Variants in PIEZO1 observed in about 807,000 individuals in gnomAD.
PIEZO1 encodes the protein piezo type mechanosensitive ion channel component 1 (Er blood group), also known as piezo-type mechanosensitive ion channel component 1.
In PIEZO1, 296 loss-of-function variants were observed where a neutral mutation model predicts 297.2. The observed-to-expected ratio is 1.00, with a 90% CI of 0.91 to 1.10. The LOEUF (loss-of-function observed/expected upper bound fraction) is 1.10, where lower values mean the gene tolerates loss of function less well. PIEZO1 is among the 50% of genes least tolerant of loss of function. The pLI is 0.00. For missense variants in PIEZO1, 5,018 were observed against 3,455.5 expected, an observed-to-expected ratio of 1.45 and a Z score of -11.34; for synonymous variants, 2,427 against 1,507.5, an observed-to-expected ratio of 1.61 and a Z score of -14.13.
At position 88,721,598 on chromosome 16, in the gene PIEZO1, G is replaced by GC; in HGVS notation, c.5342dup (p.Tyr1782LeufsTer28). On this transcript the variant is annotated frameshift_variant, in exon 38 of 51. Coordinates refer to ENST00000301015, the MANE Select transcript of PIEZO1 (RefSeq NM_001142864.4). LOFTEE classifies it high-confidence loss of function. ...GCTGCACCAGGTCGTACTTGATGTA[G>GC]CCGTCAGTCTTCTCCAGGCCCAGGA... 1 of 1,550,310 alleles carries GC rather than the reference G, an allele frequency of 6.5e-7. No homozygotes were observed. The highest frequency in any genetic ancestry group is 1.2e-5 in the South Asian group (1 of 84,062).
At position 88,721,436 on chromosome 16, in the gene PIEZO1, G is replaced by T. The variant is rs1265127984; in HGVS notation, c.5404-6C>A. On this transcript the variant is annotated splice_polypyrimidine_tract_variant and splice_region_variant and intron_variant, in intron 38 of 50. Transcript: ENST00000301015. ...TGGTCCCAGAGGCCATAGCACTGAG[G>T]GGCGGGAGGGTGTGGTGAGGGGGCC... is the stretch of plus-strand genomic sequence containing the variant. 1 of 1,544,468 alleles carries T rather than the reference G, an allele frequency of 6.5e-7. No individual in the cohort carries two copies. The highest frequency in any genetic ancestry group is 2.5e-5 in the East Asian group (1 of 40,758).
intron 1 of PIEZO1, among the ~76,000 whole-genome samples, chr16:88,784,201 C>A (rs1451510940): frequency 1.3e-5 from 2 of 152,370 alleles, no homozygotes; most frequent in East Asian, 3.9e-4. Flanking sequence ...CGCCCTGACA[C>A]CAGGCCACAG....
chr16:88,735,927 G>A (rs996039587), intron 12 of PIEZO1, among the ~76,000 whole-genome samples: 1 of 152,248 alleles, frequency 6.6e-6, no homozygotes, highest in African/African-American at 2.4e-5. Flanking sequence ...TCAGGGCACA[G>A]GGGTGGTGCC....
chr16:88,776,378 G>A (rs1001412290), intron 1 of PIEZO1, among the ~76,000 whole-genome samples: 1 of 152,108 alleles, frequency 6.6e-6, no homozygotes, highest in Admixed American at 6.5e-5. Context: ...AGCTTGCAGT[G>A]AGCCCAGACT....
intron 2 of PIEZO1, chr16:88,742,735 A>G: frequency 2.6e-6 from 1 of 382,276 alleles, no homozygotes; most frequent in South Asian, 2.4e-5. Flanking sequence ...TCCAGCAAAT[A>G]CCTGTCACCG....
At chr16:88,746,814 G>A (rs76283003) in intron 2 of PIEZO1, among the ~76,000 whole-genome samples, 24 of 152,330 alleles carry the variant, frequency 1.6e-4, no homozygotes, top group East Asian at 1.4e-3. Flanking sequence ...TTAAAGGAAA[G>A]TGTTTCCAAT....
At chr16:88,778,752 G>A (rs966314463) in intron 1 of PIEZO1, among the ~76,000 whole-genome samples, 7 of 152,244 alleles carry the variant, frequency 4.6e-5, no homozygotes, top group South Asian at 2.1e-4. Flanking sequence ...GCAAAAATAC[G>A]GCCTGCGGTG....
chr16:88,741,925 T>C, intron 4 of PIEZO1, 128 bp downstream of exon 4: 1 of 985,986 alleles, frequency 1.0e-6, no homozygotes, highest in South Asian at 1.5e-5. Flanking sequence ...TGGATGGGTC[T>C]CCAGGTGTGG....
chr16:88,731,910 T>C lies in PIEZO1; in HGVS notation c.2992A>G (p.Ile998Val). Residue 998 changes from isoleucine (I) to valine (V), a missense_variant and splice_region_variant, in exon 22 of 51, where the codon ATC becomes GTC. Coordinates refer to ENST00000301015, the MANE Select transcript of PIEZO1 (RefSeq NM_001142864.4). ...NFFFYKFGLE[I>V]CFLMAVNVIG... ...ACGTTCACGGCCATCAGGAAGCAGA[T>C]CTGGGGAGGGGAGAGGGCGGGGTGT... 1 of 294,294 alleles carries C rather than the reference T, an allele frequency of 3.4e-6. No individual in the cohort carries two copies. Among genetic ancestry groups the C allele is most frequent in the Non-Finnish European group, 4.5e-6 (1 of 222,528 alleles). 18.2% of individuals were successfully genotyped at this position (294,294 alleles called of 1,614,324 possible).
rs1448753265 is a variant in PIEZO1 at position 88,723,332 on chromosome 16, T to A, written c.4336-4A>T. On this transcript the variant is annotated splice_polypyrimidine_tract_variant and splice_region_variant and intron_variant, in intron 31 of 50. Transcript: ENST00000301015. ...TCACCCATGCCTGGTACGCCAGCTG[T>A]CGGCCAGCCCCCGGGTTAGGACCCG... The A allele has an allele frequency of 2.6e-6, 4 of 1,537,326 alleles. No homozygotes were observed. Among genetic ancestry groups the A allele is most frequent in the Non-Finnish European group, 3.5e-6 (4 of 1,146,582 alleles).
At position 88,726,468 on chromosome 16, in the gene PIEZO1, C is replaced by T. The variant is rs1469653933; in HGVS notation, c.3797-13G>A. On this transcript the variant is annotated splice_polypyrimidine_tract_variant and intron_variant, in intron 26 of 50. Transcript: ENST00000301015. The stretch of plus-strand genomic sequence containing the variant: ...ATCATCTCCTTGGCTGCAAGGCAGG[C>T]ACCGGCAAGGGTCAGGCCCAGGGCC... The T allele has an allele frequency of 1.3e-6, 2 of 1,548,778 alleles. No homozygotes were observed. The highest frequency in any genetic ancestry group is 1.7e-6 in the Non-Finnish European group (2 of 1,145,842).
Position 88,721,115 on chromosome 16 carries a change from C to T in PIEZO1, c.5668+51G>A, listed in dbSNP as rs764245103. On this transcript the variant is annotated intron_variant, in intron 39 of 50. Transcript: ENST00000301015. ...TGAGAAAGACCCTCCCTGCAGTAGC[C>T]CCACTCAGAAAACTGGGTAGGCAGG... 19 of 1,440,726 alleles carry T rather than the reference C, an allele frequency of 1.3e-5. No homozygotes were observed. In the Middle Eastern group the frequency reaches 5.4e-4, roughly 41 times the overall value. 89.2% of individuals were successfully genotyped at this position (1,440,726 alleles called of 1,614,324 possible).
chr16:88,727,815 T>C (rs1904562291), intron 22 of PIEZO1, 154 bp from the exon 23 acceptor site: 3 of 437,218 alleles, frequency 6.9e-6, no homozygotes, highest in Non-Finnish European at 1.2e-5. Context: ...ACAGCTCTAG[T>C]GTCCTGTGTG....
chr16:88,721,599 C>T lies in PIEZO1; in HGVS notation c.5342G>A (p.Gly1781Asp), dbSNP rs754646217. 5.2e-6 allele frequency: 8 copies of T among 1,550,184 alleles called. No individual in the cohort carries two copies. The highest frequency in any genetic ancestry group is 3.9e-5 in the Admixed American group (2 of 50,984). Reference sequence around the variant, plus strand: ...CTGCACCAGGTCGTACTTGATGTAGCCGTCAGTCTTCTCCAGGCCCAGGAT... The same window carrying T: ...CTGCACCAGGTCGTACTTGATGTAGTCGTCAGTCTTCTCCAGGCCCAGGAT... ...PRILGLEKTD[G>D]YIKYDLVQLM... Residue 1781 changes from glycine (G) to aspartate (D), a missense_variant, in exon 38 of 51, where the codon GGC (glycine) becomes GAC (aspartate). By Grantham distance (94) the Gly-to-Asp change is moderately conservative. Transcript: ENST00000301015.
intron 1 of PIEZO1, among the ~76,000 whole-genome samples, chr16:88,779,144 C>T (rs902303357): frequency 6.6e-6 from 1 of 151,192 alleles, no homozygotes; most frequent in Admixed American, 6.6e-5. Flanking sequence ...TGGGTTCCGG[C>T]GATTCTCCTG....
rs1353678309 is a variant in PIEZO1, at chr16:88,715,933, C to T, written c.7316G>A (p.Gly2439Asp). The T allele has an allele frequency of 3.2e-6, 5 of 1,549,130 alleles. No individual in the cohort carries two copies. Among genetic ancestry groups the T allele is most frequent in the Non-Finnish European group, 3.5e-6 (4 of 1,146,246 alleles). ...PPSLGFLAGY[G>D]IMGLYVSIVL... ...GGTGCCCCCCCAGCCACTCACTCAC[C>T]CGTAGCCAGCCAGGAAGCCGAGGCT... The change falls in exon 50 of 51, where the codon GGC becomes GAC. Residue 2439 changes from glycine (G) to aspartate (D), a missense_variant and splice_region_variant. By Grantham distance (94) the Gly-to-Asp change is moderately conservative. Coordinates refer to ENST00000301015, the MANE Select transcript of PIEZO1 (RefSeq NM_001142864.4).
At position 88,727,248 on chromosome 16, in the gene PIEZO1, C is replaced by T. The variant is rs550797762; in HGVS notation, c.3302-56G>A. On this transcript the variant is annotated intron_variant, in intron 23 of 50. Coordinates refer to ENST00000301015, the MANE Select transcript of PIEZO1 (RefSeq NM_001142864.4). ...CACGGGGACCCACACGAGGTGGGCA[C>T]GGCGCATAAATCCCACCTCCCACCC... 5.0e-4 allele frequency: 730 copies of T among 1,468,798 alleles called. 1 individual carries two copies. The African/African-American group carries it at 5.2e-3, about 10-fold the overall frequency. The allele number at this position is 1,468,798 out of a possible 1,614,324, so 91.0% of individuals were successfully genotyped here. A position where few individuals can be genotyped will look rare whatever the true frequency, so the allele number is the denominator to read the frequency against.
intron 1 of PIEZO1, among the ~76,000 whole-genome samples, chr16:88,769,709 G>C (rs1272735868): frequency 1.3e-5 from 2 of 152,080 alleles, no homozygotes; most frequent in East Asian, 3.9e-4. Flanking sequence ...TTCCTCCTGA[G>C]GACCTGAGCC....
chr16:88,754,932 G>C (rs368344208), intron 1 of PIEZO1, among the ~76,000 whole-genome samples: 1 of 152,236 alleles, frequency 6.6e-6, no homozygotes, highest in Non-Finnish European at 1.5e-5. Flanking sequence ...GCCTGCACAG[G>C]AGCTGAAAGC....
Sources: allele counts gnomAD v4.1 joint callset (sites outside exome capture counted in the v4.1 genomes callset), GRCh38; gene constraint gnomAD v4.1.1; transcripts MANE v1.5; gene names NCBI Gene and HGNC (gene_info 2026-07-23, HGNC 2026-07-21).